UTP14A: variants seen among roughly 807,000 people sequenced by gnomAD.
UTP14A encodes the protein UTP14A small subunit processome component.
Under a neutral mutation model 57.2 loss-of-function variants are expected in UTP14A, and 5 were observed. That is an observed-to-expected ratio of 0.09 (90% CI 0.05 to 0.18). The LOEUF (loss-of-function observed/expected upper bound fraction) is 0.18, where lower values mean the gene tolerates loss of function less well. Among genes scored for constraint, UTP14A ranks in the 10% least tolerant of loss-of-function variants. The pLI, the probability that UTP14A is intolerant of heterozygous loss-of-function variation, is 1.00. For synonymous variants in UTP14A, 169 were observed against 210.9 expected (o/e 0.80, Z 1.72); for missense variants, 430 against 562.1 (o/e 0.76, Z 2.38).
intron 6 of UTP14A, among the ~76,000 whole-genome samples, chrX:129,914,967 T>C (rs1929625077): frequency 8.9e-6 from 1 of 112,194 alleles, no homozygotes; most frequent in South Asian, 3.6e-4. Flanking sequence ...ATCCCAGCAC[T>C]TTGGAAGGCT....
chrX:129,906,287 T>C (rs749919631), intron 1 of UTP14A, 51 bp downstream of exon 1: 1 of 1,143,484 alleles, frequency 8.7e-7, no homozygotes, highest in Non-Finnish European at 1.2e-6. Context: ...GGGGGCCGGG[T>C]TCCCCAGCTT....
chrX:129,916,741 GAATAA>G lies in UTP14A; in HGVS notation c.538-2425_538-2421del, dbSNP rs777706053. The stretch of plus-strand genomic sequence containing the variant: ...ATCCTTCAAAGGCTGTTCACTTACA[GAATAA>G]AATAAAATTACGTAGCATTTTAGCT... On this transcript the variant is annotated intron_variant, in intron 6 of 14. Transcript: ENST00000394422. Among the ~76,000 whole-genome samples, 3 of 112,065 alleles carry G rather than the reference GAATAA, an allele frequency of 2.7e-5. No homozygotes were observed. The East Asian group carries it at 8.4e-4, about 31-fold the overall frequency.
At chrX:129,928,676 C>A (rs962520139) in intron 14 of UTP14A, among the ~76,000 whole-genome samples, 1 of 111,325 alleles carries the variant, frequency 9.0e-6, no homozygotes, top group Middle Eastern at 4.7e-3. Context: ...ATGGCGTGAA[C>A]CCAGGAGGCA....
chrX:129,909,731 C>T lies in UTP14A; in HGVS notation c.238+997C>T, dbSNP rs73633934. On this transcript the variant is annotated intron_variant, in intron 4 of 14. Coordinates refer to ENST00000394422, the MANE Select transcript of UTP14A (RefSeq NM_006649.4). ...TGTTCAGAATACATGCTCTAATAAG[C>T]GGCAGCCATGGGATTTTATCCTAAT... Among the ~76,000 whole-genome samples, 754 of 111,738 alleles carry T rather than the reference C, an allele frequency of 6.7e-3. 1 individual carries two copies. The highest frequency in any genetic ancestry group is 0.021 in the African/African-American group (658 of 30,760).
intron 6 of UTP14A, among the ~76,000 whole-genome samples, chrX:129,918,738 G>A (rs964448659): frequency 4.9e-4 from 54 of 110,537 alleles, no homozygotes; most frequent in Non-Finnish European, 6.8e-4. Context: ...TTAGCTGGGC[G>A]TGGTGGCAGG....
At chrX:129,926,137 C>T in intron 13 of UTP14A, 25 bp downstream of exon 13, 5 of 1,209,390 alleles carry the variant, frequency 4.1e-6, no homozygotes, top group Non-Finnish European at 5.6e-6. Context: ...GAAAGTCTGT[C>T]AAAAGGGCAC....
chrX:129,917,979 T>TATATATAACA (rs1418847140), intron 6 of UTP14A, among the ~76,000 whole-genome samples: 3 of 112,680 alleles, frequency 2.7e-5, no homozygotes, highest in Non-Finnish European at 5.6e-5. Context: ...AGAACACTTA[T>TATATATAACA]ATGCATGGTT....
rs1481646716 is a variant in UTP14A, at chrX:129,919,377, A to G, written c.658-18A>G. ...TGTCCTCTGGCCCAGGTGTCACTGT[A>G]AGTCTCATTTGTTGTAGGCAAAGAT... On this transcript the variant is annotated intron_variant, in intron 7 of 14. Coordinates refer to ENST00000394422, the MANE Select transcript of UTP14A (RefSeq NM_006649.4). The G allele has an allele frequency of 2.5e-6, 3 of 1,210,029 alleles. No individual in the cohort carries two copies. The highest frequency in any genetic ancestry group is 3.4e-6 in the Non-Finnish European group (3 of 895,220).
chrX:129,909,206 CT>C (rs753147882), intron 4 of UTP14A, among the ~76,000 whole-genome samples: 929 of 84,369 alleles, frequency 0.011, 2 homozygotes, highest in African/African-American at 0.029. Flanking sequence ...CCTTTCAAGC[CT>C]TTTTTTTTTT....
At position 129,908,712 on chromosome X, in the gene UTP14A, A is replaced by T; in HGVS notation, c.216A>T (p.Ser72=). 1 of 1,211,763 alleles carries T rather than the reference A, an allele frequency of 8.3e-7. No individual in the cohort carries two copies. The highest frequency in any genetic ancestry group is 1.1e-6 in the Non-Finnish European group (1 of 895,276). ...AERSEASLKV[S]EFNVSSEGSG... ...GGTCTGAGGCTAGTCTGAAGGTGTC[A>T]GAGTTCAATGTCAGTTCTGAAGGTA... The change falls in exon 4 of 15, where the codon TCA becomes TCT. Residue 72 remains serine (S), a synonymous_variant. Transcript: ENST00000394422.
chrX:129,908,478 G>A (rs1442556634), intron 3 of UTP14A, 192 bp from the exon 4 acceptor site: 7 of 469,472 alleles, frequency 1.5e-5, no homozygotes, highest in Non-Finnish European at 3.7e-6. Flanking sequence ...TTGTAATAAA[G>A]AGAAGAGATG....
intron 6 of UTP14A, among the ~76,000 whole-genome samples, chrX:129,914,830 A>G (rs6654598): frequency 9.8e-4 from 110 of 112,261 alleles, no homozygotes; most frequent in African/African-American, 3.4e-3. Flanking sequence ...TGCCTTCACA[A>G]GAGGAGGAGA....
chrX:129,916,054 C>T (rs1361320226), intron 6 of UTP14A, among the ~76,000 whole-genome samples: 2 of 105,408 alleles, frequency 1.9e-5, no homozygotes, highest in African/African-American at 3.5e-5. Context: ...CCCGGGTTCA[C>T]GCCATTCTCC....
At chrX:129,916,508 C>T (rs1322879605) in intron 6 of UTP14A, among the ~76,000 whole-genome samples, 1 of 111,658 alleles carries the variant, frequency 9.0e-6, no homozygotes, top group Non-Finnish European at 1.9e-5. Flanking sequence ...TTCACTGTCT[C>T]CCTCTCCGCC....
At chrX:129,928,948 T>A (rs779004747) in intron 14 of UTP14A, among the ~76,000 whole-genome samples, 1 of 107,120 alleles carries the variant, frequency 9.3e-6, no homozygotes, top group East Asian at 3.0e-4. Context: ...GTGTCACTTG[T>A]AATCCCAGCT....
At chrX:129,921,803 G>A (rs998979604) in intron 11 of UTP14A, 22 of 394,719 alleles carry the variant, frequency 5.6e-5, no homozygotes, top group South Asian at 3.1e-4. Context: ...GCCGTGCAAC[G>A]TGGTTCAGGC....
At chrX:129,911,283 T>G in intron 5 of UTP14A, 133 bp downstream of exon 5, 2 of 907,630 alleles carry the variant, frequency 2.2e-6, no homozygotes, top group South Asian at 5.7e-5. Context: ...ATGGATAAGA[T>G]TAAAAATAAT....
At chrX:129,928,151 C>T (rs757771536) in intron 14 of UTP14A, among the ~76,000 whole-genome samples, 8 of 108,122 alleles carry the variant, frequency 7.4e-5, no homozygotes, top group South Asian at 8.1e-4. Context: ...GAGGCCAAGG[C>T]GGGTGGATCA....
In UTP14A at chrX:129,921,557, G is replaced by A; in HGVS notation, c.1318G>A (p.Ala440Thr). Reference sequence around the variant, plus strand: ...AAAAAGATCTGAGCTCAGCCAAGATGCTGAGCCAGCAGGCAGTCAAGAAAC... The same window carrying A: ...AAAAAGATCTGAGCTCAGCCAAGATACTGAGCCAGCAGGCAGTCAAGAAAC... ...LRKRSELSQD[A>T]EPAGSQETKD... The change falls in exon 11 of 15, where the codon GCT becomes ACT. Residue 440 changes from alanine (A) to threonine (T), a missense_variant. Ala to Thr is a moderately conservative substitution (Grantham distance 58, BLOSUM62 0). This residue lies in a region of UTP14A where 120 missense variants were observed against 116.8 expected (regional missense o/e 1.03). Transcript: ENST00000394422. 2.5e-6 allele frequency: 3 copies of A among 1,210,299 alleles called. No individual in the cohort carries two copies. The highest frequency in any genetic ancestry group is 3.4e-6 in the Non-Finnish European group (3 of 895,152).
Sources: gnomAD v4.1 joint callset for allele counts (sites outside exome capture counted in the v4.1 genomes callset) on GRCh38, gnomAD v4.1.1 for gene constraint, gnomAD v4.1.1 regional missense constraint, MANE v1.5 for transcripts, NCBI Gene and HGNC (gene_info 2026-07-23, HGNC 2026-07-21) for gene names.